Variants in PRELID2 observed in about 807,000 individuals in gnomAD.
PRELID2 encodes the protein PRELI domain-containing protein 2.
In PRELID2, 25 loss-of-function variants were observed where a neutral mutation model predicts 28.4. That is an observed-to-expected ratio of 0.88 (90% CI 0.64 to 1.23). The LOEUF is 1.23. Ranked by LOEUF, PRELID2 falls within the 50% of genes most tolerant of loss-of-function variation. The pLI, the probability that PRELID2 is intolerant of heterozygous loss-of-function variation, is 0.00. For synonymous variants in PRELID2, 76 were observed against 71.6 expected, an observed-to-expected ratio of 1.06 and a Z score of -0.31; for missense variants, 201 against 214.4, an observed-to-expected ratio of 0.94 and a Z score of 0.39.
the PRELID2 span, among the ~76,000 whole-genome samples, chr5:145,384,818 C>A: frequency 2.0e-5 from 3 of 152,114 alleles, no homozygotes; most frequent in Admixed American, 6.6e-5. Flanking sequence ...ACAGCAGGCT[C>A]TCACGAGAAG....
chr5:145,790,802 A>C (rs1752331808), intron 5 of PRELID2, among the ~76,000 whole-genome samples: 1 of 148,118 alleles, frequency 6.8e-6, no homozygotes, highest in Non-Finnish European at 1.5e-5. Flanking sequence ...TCAATTAAAA[A>C]TAAAAAATTA....
chr5:145,593,763 A>G (rs1238521989), intron 1 of PRELID2, among the ~76,000 whole-genome samples: 1 of 152,184 alleles, frequency 6.6e-6, no homozygotes, highest in Non-Finnish European at 1.5e-5. Flanking sequence ...TGAGTTCTTC[A>G]ACCAAAAAAT....
chr5:145,485,956 G>A (rs1264539241), intron 1 of PRELID2, among the ~76,000 whole-genome samples: 2 of 152,080 alleles, frequency 1.3e-5, no homozygotes, highest in African/African-American at 2.4e-5. Context: ...AAGAACACAG[G>A]GATGCATGCT....
At chr5:145,730,377 A>G (rs909089245) in intron 1 of PRELID2, among the ~76,000 whole-genome samples, 3 of 152,218 alleles carry the variant, frequency 2.0e-5, no homozygotes, top group Non-Finnish European at 4.4e-5. Context: ...AAAGCAGGTA[A>G]TATTTAACAA....
chr5:145,726,155 C>G (rs547209977), intron 1 of PRELID2, among the ~76,000 whole-genome samples: 73 of 137,876 alleles, frequency 5.3e-4, no homozygotes, highest in African/African-American at 1.7e-3. Flanking sequence ...GCTGACAGAG[C>G]AAGACACTAT....
At chr5:145,323,179 G>GA in the PRELID2 span, among the ~76,000 whole-genome samples, 3,682 of 143,310 alleles carry the variant, frequency 0.026, 147 homozygotes, top group African/African-American at 0.086. Flanking sequence ...CAGCAGAGGG[G>GA]AAAAAAAAAA....
chr5:145,720,935 G>A (rs2149717200), intron 1 of PRELID2, among the ~76,000 whole-genome samples: 1 of 152,000 alleles, frequency 6.6e-6, no homozygotes, highest in South Asian at 2.1e-4. Context: ...TTGTTTATGT[G>A]AGTTATATCT....
intron 1 of PRELID2, chr5:145,703,938 T>G (rs920427826): frequency 2.6e-5 from 4 of 152,196 alleles, no homozygotes; most frequent in Admixed American, 6.5e-5. Flanking sequence ...ATGGCATATT[T>G]TATTCAACAA....
At chr5:145,444,605 G>T in the PRELID2 span, among the ~76,000 whole-genome samples, 4 of 151,934 alleles carry the variant, frequency 2.6e-5, no homozygotes, top group Admixed American at 1.3e-4. Flanking sequence ...TGCTGGTTCA[G>T]GAGGGCAAAG....
At chr5:145,319,210 C>G in the PRELID2 span, among the ~76,000 whole-genome samples, 1 of 152,106 alleles carries the variant, frequency 6.6e-6, no homozygotes, top group Non-Finnish European at 1.5e-5. Context: ...AGGGTGGGGC[C>G]TTTGCTGGGG....
intron 1 of PRELID2, among the ~76,000 whole-genome samples, chr5:145,700,391 C>T (rs527708400): frequency 6.6e-6 from 1 of 152,054 alleles, no homozygotes; most frequent in African/African-American, 2.4e-5. Flanking sequence ...CTTTCCCCCC[C>T]ACCACTCTCA....
intron 5 of PRELID2, among the ~76,000 whole-genome samples, chr5:145,771,167 T>C (rs1420998185): frequency 6.6e-6 from 1 of 152,118 alleles, no homozygotes; most frequent in Non-Finnish European, 1.5e-5. Flanking sequence ...CTGTTTCCTA[T>C]ATTTAGCTAT....
At chr5:145,348,585 T>C in the PRELID2 span, among the ~76,000 whole-genome samples, 1 of 152,070 alleles carries the variant, frequency 6.6e-6, no homozygotes, top group Non-Finnish European at 1.5e-5. Context: ...GACAAGAGGG[T>C]ATTGCTTTTC....
the PRELID2 span, among the ~76,000 whole-genome samples, chr5:145,232,717 A>C: frequency 6.6e-6 from 1 of 152,146 alleles, no homozygotes; most frequent in African/African-American, 2.4e-5. Context: ...ATAGAAAAAA[A>C]TTCATGTGAC....
chr5:145,476,945 G>A (rs751406305), intron 1 of PRELID2, among the ~76,000 whole-genome samples: 6 of 152,192 alleles, frequency 3.9e-5, no homozygotes, highest in African/African-American at 4.8e-5. Context: ...GCCTTAATTC[G>A]TTAATAATTA....
At chr5:145,310,857 CT>C in the PRELID2 span, among the ~76,000 whole-genome samples, 84 of 148,358 alleles carry the variant, frequency 5.7e-4, no homozygotes, top group South Asian at 1.9e-3. Flanking sequence ...TTTCATCTCC[CT>C]TTTTTTTTTC....
the PRELID2 span, among the ~76,000 whole-genome samples, chr5:145,448,607 AG>A: frequency 8.5e-5 from 13 of 152,296 alleles, no homozygotes; most frequent in African/African-American, 2.9e-4. Context: ...ATAATGGTAA[AG>A]GGATCAGTTC....
In PRELID2 at chr5:145,724,600, A is replaced by AATATATATATAT. The variant is rs59677300; in HGVS notation, n.70+40319_70+40330dup. On this transcript the variant is annotated intron_variant and non_coding_transcript_variant, in intron 1 of 2. Transcript: ENST00000510259. ...ACACTGAAATAACAAGAAGTAAATA[A>AATATATATATAT]ATATATATATATATATATATATATA... Among the ~76,000 whole-genome samples the AATATATATATAT allele has an allele frequency of 9.4e-3, 231 of 24,518 alleles. 32 individuals are homozygous for AATATATATATAT. The highest frequency in any genetic ancestry group is 0.016 in the Non-Finnish European group (167 of 10,358). 16.1% of individuals were successfully genotyped at this position (24,518 alleles called of 152,430 possible).
chr5:145,439,631 A>C, the PRELID2 span, among the ~76,000 whole-genome samples: 4 of 151,958 alleles, frequency 2.6e-5, no homozygotes, highest in African/African-American at 9.7e-5. Context: ...TCACTGTTCT[A>C]GTTACCCAGA....
Sources: allele counts gnomAD v4.1 joint callset (sites outside exome capture counted in the v4.1 genomes callset), GRCh38; gene constraint gnomAD v4.1.1; transcripts MANE v1.5; gene names NCBI Gene and HGNC (gene_info 2026-07-23, HGNC 2026-07-21).